Variants in ECHDC3 observed in about 807,000 individuals in gnomAD.
ECHDC3 encodes the protein enoyl-CoA hydratase domain containing 3.
Under a neutral mutation model 17.9 loss-of-function variants are expected in ECHDC3, and 20 were observed. The observed-to-expected ratio is 1.12, with a 90% CI of 0.79 to 1.63. ECHDC3 has a LOEUF of 1.63. Among genes scored for constraint, ECHDC3 ranks in the 40% most tolerant of loss-of-function variants. The pLI, the probability that ECHDC3 is intolerant of heterozygous loss-of-function variation, is 0.00. For synonymous variants in ECHDC3, 177 were observed against 149.7 expected, an observed-to-expected ratio of 1.18 and a Z score of -1.33; for missense variants, 407 against 357.7, an observed-to-expected ratio of 1.14 and a Z score of -1.11.
In ECHDC3 at chr10:11,747,466, C is replaced by A; in HGVS notation, c.288C>A (p.Ile96=). ...GCAACGATCTGAAAGTCATTATCAT[C>A]TCGGGTATGTATCTGATATCTGTCC... ...ADSNDLKVII[I]SAEGPVFSSG... is the part of the protein sequence containing the mutation. Residue 96 remains isoleucine, a synonymous_variant, in exon 2 of 5, where the codon ATC becomes ATA. Coordinates refer to ENST00000379215, the MANE Select transcript of ECHDC3 (RefSeq NM_024693.5). 6.2e-7 allele frequency: 1 copy of A among 1,613,626 alleles called. No individual in the cohort carries two copies. Among genetic ancestry groups the A allele is most frequent in the Non-Finnish European group, 8.5e-7 (1 of 1,179,894 alleles).
intron 2 of ECHDC3, among the ~76,000 whole-genome samples, chr10:11,748,357 GC>G (rs1832785129): frequency 1.3e-5 from 2 of 152,036 alleles, no homozygotes; most frequent in African/African-American, 4.8e-5. Flanking sequence ...CTCCTGAGTA[GC>G]TGGGACTATA....
At chr10:11,745,518 C>T (rs1832749674) in intron 1 of ECHDC3, among the ~76,000 whole-genome samples, 1 of 152,118 alleles carries the variant, frequency 6.6e-6, no homozygotes, top group African/African-American at 2.4e-5. Context: ...TAAGAAACAA[C>T]AAGATGAATA....
At chr10:11,748,383 C>T (rs1160495265) in intron 2 of ECHDC3, among the ~76,000 whole-genome samples, 5 of 152,084 alleles carry the variant, frequency 3.3e-5, no homozygotes, top group African/African-American at 1.2e-4. Context: ...TGTGCCACTA[C>T]ACTCAGCTAA....
intron 4 of ECHDC3, among the ~76,000 whole-genome samples, chr10:11,757,423 C>T (rs1001285802): frequency 2.6e-5 from 4 of 152,102 alleles, no homozygotes; most frequent in African/African-American, 9.7e-5. Context: ...CAAGGAAGCC[C>T]AGTCTTCAGA....
In ECHDC3 at chr10:11,749,572, G is replaced by A; in HGVS notation, c.370G>A (p.Val124Ile). The A allele has an allele frequency of 6.2e-7, 1 of 1,614,108 alleles. No homozygotes were observed. Residue 124 changes from valine to isoleucine, a missense_variant, in exon 3 of 5, where the codon GTA becomes ATA. Coordinates refer to ENST00000379215, the MANE Select transcript of ECHDC3 (RefSeq NM_024693.5). ...EEQGRDYHAEVFQTCSKVMMH... is the reference protein window; with the variant it reads ...EEQGRDYHAEIFQTCSKVMMH... ...GCAAGGCCGTGATTACCATGCCGAA[G>A]TATTTCAGACCTGTTCCAAGGTAAG...
intron 4 of ECHDC3, among the ~76,000 whole-genome samples, chr10:11,762,043 C>T (rs914560169): frequency 1.4e-5 from 2 of 147,468 alleles, no homozygotes; most frequent in African/African-American, 5.1e-5. Context: ...GACCAGCCTG[C>T]GTAATATAGT....
intron 3 of ECHDC3, among the ~76,000 whole-genome samples, chr10:11,751,183 T>A (rs1204212923): frequency 6.6e-6 from 1 of 152,182 alleles, no homozygotes; most frequent in Non-Finnish European, 1.5e-5. Flanking sequence ...CCTTTTATCC[T>A]CCCTAAGGGT....
At position 11,742,693 on chromosome 10, in the gene ECHDC3, G is replaced by A. The variant is rs1177574375; in HGVS notation, c.117G>A (p.Gly39=). ...RFCSRDPAGA[G]RRESEPRPTS... ...GCAGCCGGGACCCGGCCGGGGCGGGGCGGCGGGAGTCGGAGCCGCGGCCCA... is the reference window on the plus strand; with the variant it reads ...GCAGCCGGGACCCGGCCGGGGCGGGACGGCGGGAGTCGGAGCCGCGGCCCA... Residue 39 remains glycine (G), a synonymous_variant, in exon 1 of 5, where the codon GGG becomes GGA. Coordinates refer to ENST00000379215, the MANE Select transcript of ECHDC3 (RefSeq NM_024693.5). 1.6e-6 allele frequency: 2 copies of A among 1,243,460 alleles called. No homozygotes were observed. The highest frequency in any genetic ancestry group is 1.6e-5 in the African/African-American group (1 of 64,194). The allele number at this position is 1,243,460 out of a possible 1,614,324, so 77.0% of individuals were successfully genotyped here.
intron 4 of ECHDC3, among the ~76,000 whole-genome samples, chr10:11,756,896 C>T (rs1182265166): frequency 4.6e-5 from 7 of 152,082 alleles, no homozygotes; most frequent in African/African-American, 1.2e-4. Context: ...CCACCATACC[C>T]GGCTAATTTT....
rs1258278327 is a variant in ECHDC3, at chr10:11,747,485, T to C, written c.292+15T>C. On this transcript the variant is annotated intron_variant, in intron 2 of 4. Coordinates refer to ENST00000379215, the MANE Select transcript of ECHDC3 (RefSeq NM_024693.5). ...TATCATCTCGGGTATGTATCTGATA[T>C]CTGTCCTTAGTATTCTGCAGTGCCC... The C allele has an allele frequency of 1.2e-6, 2 of 1,612,922 alleles. No homozygotes were observed. The highest frequency in any genetic ancestry group is 1.7e-5 in the Admixed American group (1 of 60,002).
At position 11,763,207 on chromosome 10, in the gene ECHDC3, C is replaced by T; in HGVS notation, c.592-17C>T. The T allele has an allele frequency of 1.3e-6, 1 of 758,940 alleles. No homozygotes were observed. Among genetic ancestry groups the T allele is most frequent in the Non-Finnish European group, 2.4e-6 (1 of 408,378 alleles). The allele number at this position is 758,940 out of a possible 1,614,324, so 47.0% of individuals were successfully genotyped here. ...TCACAGGAGAGCACCTCAGTGACAT[C>T]CCGTGTCTCCCCGTAGGTGGCCTTG... On this transcript the variant is annotated splice_polypyrimidine_tract_variant and intron_variant, in intron 4 of 4. Transcript: ENST00000379215. This position sits in a 1 kb window ranked among gnomAD's most constrained non-coding sequence, Gnocchi z 4.9.
chr10:11,751,163 C>A (rs1206604186), intron 3 of ECHDC3, among the ~76,000 whole-genome samples: 2 of 152,172 alleles, frequency 1.3e-5, no homozygotes, highest in African/African-American at 4.8e-5. Context: ...TCAAAGAGAA[C>A]CAGTAAAGCC....
intron 1 of ECHDC3, 23 bp downstream of exon 1, chr10:11,742,769 T>A: frequency 3.3e-6 from 4 of 1,224,870 alleles, no homozygotes; most frequent in Non-Finnish European, 4.1e-6. Flanking sequence ...CCGCGCGGGC[T>A]CCTCGCGTTG....
At chr10:11,761,851 C>G (rs1239523136) in intron 4 of ECHDC3, among the ~76,000 whole-genome samples, 32 of 152,354 alleles carry the variant, frequency 2.1e-4, no homozygotes, top group Non-Finnish European at 2.9e-5. Context: ...TCCTCCCTCT[C>G]TCCTTCCTTC....
intron 1 of ECHDC3, among the ~76,000 whole-genome samples, chr10:11,745,021 A>G (rs1174427432): frequency 6.6e-6 from 1 of 152,254 alleles, no homozygotes; most frequent in Non-Finnish European, 1.5e-5. Flanking sequence ...GAAAGAAGTC[A>G]AGAAGGACCG....
intron 2 of ECHDC3, among the ~76,000 whole-genome samples, chr10:11,748,834 C>T (rs1039890035): frequency 6.6e-6 from 1 of 152,102 alleles, no homozygotes; most frequent in East Asian, 1.9e-4. Context: ...TGCAGTGAGC[C>T]GAGATCGTGC....
Position 11,742,583 on chromosome 10 carries a change from G to A in ECHDC3, c.7G>A (p.Ala3Thr), listed in dbSNP as rs1310759340. ...TCTGGCCATCCCGAATGCTATGGCC[G>A]CCGTCGCCGTCTTGCGGGCCTTCGG... MA[A>T]VAVLRAFGAS... The change falls in exon 1 of 5, where the codon GCC becomes ACC. Residue 3 changes from alanine to threonine, a missense_variant. By Grantham distance (58) the Ala-to-Thr change is moderately conservative. Coordinates refer to ENST00000379215, the MANE Select transcript of ECHDC3 (RefSeq NM_024693.5). 2.3e-6 allele frequency: 3 copies of A among 1,286,228 alleles called. No homozygotes were observed. The highest frequency in any genetic ancestry group is 2.9e-6 in the Non-Finnish European group (3 of 1,018,090). The allele number at this position is 1,286,228 out of a possible 1,614,324, so 79.7% of individuals were successfully genotyped here.
chr10:11,762,068 GAAA>G (rs35023737), intron 4 of ECHDC3, among the ~76,000 whole-genome samples: 4 of 146,030 alleles, frequency 2.7e-5, no homozygotes, highest in African/African-American at 1.0e-4. Flanking sequence ...CCCCATCTTG[GAAA>G]AAAAAAAAAA....
At chr10:11,756,392 A>G (rs1832887024) in intron 4 of ECHDC3, among the ~76,000 whole-genome samples, 1 of 152,242 alleles carries the variant, frequency 6.6e-6, no homozygotes, top group Non-Finnish European at 1.5e-5. Flanking sequence ...CACACCAAGC[A>G]AAGAAGCTAA....
Sources: allele counts gnomAD v4.1 joint callset (sites outside exome capture counted in the v4.1 genomes callset), GRCh38; gene constraint gnomAD v4.1.1; non-coding constraint Gnocchi (gnomAD v3.1); transcripts MANE v1.5; gene names NCBI Gene and HGNC (gene_info 2026-07-23, HGNC 2026-07-21).